Variants in CCDC60 observed in about 807,000 individuals in gnomAD.
The protein encoded by CCDC60 is coiled-coil domain containing 60.
Under a neutral mutation model 63.5 loss-of-function variants are expected in CCDC60, and 54 were observed. The ratio of observed to expected loss-of-function variants is 0.85; its 90% CI spans 0.68 to 1.07. The LOEUF (loss-of-function observed/expected upper bound fraction) is 1.07. Among genes scored for constraint, CCDC60 ranks in the 50% least tolerant of loss-of-function variants. The pLI, the probability that CCDC60 is intolerant of heterozygous loss-of-function variation, is 0.00. For missense variants in CCDC60, 651 were observed against 684.3 expected (o/e 0.95, Z 0.54); for synonymous variants, 206 against 238.8 (o/e 0.86, Z 1.27).
At chr12:119,506,956 C>T (rs1952023138) in intron 7 of CCDC60, among the ~76,000 whole-genome samples, 1 of 152,074 alleles carries the variant, frequency 6.6e-6, no homozygotes, top group African/African-American at 2.4e-5. Flanking sequence ...GGAGGAGTGG[C>T]CTACCACAAA....
chr12:119,378,999 C>T (rs1375385525), intron 1 of CCDC60, among the ~76,000 whole-genome samples: 1 of 152,212 alleles, frequency 6.6e-6, no homozygotes, highest in Non-Finnish European at 1.5e-5. Flanking sequence ...GCAAGGTCAT[C>T]AGACGACAGC....
At position 119,488,876 on chromosome 12, in the gene CCDC60, A is replaced by G; in HGVS notation, c.557+10A>G. ...CCTGCTGGAACCCAAAGTATGCCTCAGCCCTTCAACTTGTCTTAGACTAGC... is the reference window on the plus strand; with the variant it reads ...CCTGCTGGAACCCAAAGTATGCCTCGGCCCTTCAACTTGTCTTAGACTAGC... On this transcript the variant is annotated intron_variant, in intron 5 of 13. Transcript: ENST00000327554. 1 of 1,606,350 alleles carries G rather than the reference A, an allele frequency of 6.2e-7. No homozygotes were observed. The highest frequency in any genetic ancestry group is 8.5e-7 in the Non-Finnish European group (1 of 1,172,830).
chr12:119,480,975 T>C (rs61938116), intron 4 of CCDC60, among the ~76,000 whole-genome samples: 325 of 80,568 alleles, frequency 4.0e-3, no homozygotes, highest in Middle Eastern at 0.037. Context: ...TCACCATCAT[T>C]ATCACCATCA....
At position 119,351,896 on chromosome 12, in the gene CCDC60, A is replaced by G. The variant is rs150252200; in HGVS notation, c.90+16630A>G. Among the ~76,000 whole-genome samples, 15 of 152,230 alleles carry G rather than the reference A, an allele frequency of 9.9e-5. No individual in the cohort carries two copies. In the East Asian group the frequency reaches 2.5e-3, roughly 25 times the overall value. ...AAACTCTGCCTATTACCTAGTTCCA[A>G]AGTCATCTCCACATTTTCAGGTATC... On this transcript the variant is annotated intron_variant, in intron 1 of 13. Coordinates refer to ENST00000327554, the MANE Select transcript of CCDC60 (RefSeq NM_178499.5).
chr12:119,392,554 A>C (rs1956178532), intron 1 of CCDC60, among the ~76,000 whole-genome samples: 1 of 152,256 alleles, frequency 6.6e-6, no homozygotes, highest in Non-Finnish European at 1.5e-5. Context: ...TACCCAACGC[A>C]GGGTGCATAA....
At chr12:119,539,949 C>T (rs1188892835) in intron 13 of CCDC60, among the ~76,000 whole-genome samples, 3 of 152,170 alleles carry the variant, frequency 2.0e-5, no homozygotes, top group Non-Finnish European at 2.9e-5. Flanking sequence ...ATTATCTGAC[C>T]CCTTGTGCTT....
At chr12:119,376,823 C>T (rs1161944057) in intron 1 of CCDC60, among the ~76,000 whole-genome samples, 1 of 151,952 alleles carries the variant, frequency 6.6e-6, no homozygotes. Context: ...GGGCTGGGGT[C>T]ATTTACCCAT....
intron 2 of CCDC60, among the ~76,000 whole-genome samples, chr12:119,466,625 C>T (rs1332977771): frequency 3.3e-5 from 5 of 152,184 alleles, no homozygotes; most frequent in Non-Finnish European, 7.3e-5. Flanking sequence ...TCCTTTGATG[C>T]TGGTGGGAAG....
At chr12:119,423,065 G>A (rs1205544750) in intron 1 of CCDC60, among the ~76,000 whole-genome samples, 2 of 152,188 alleles carry the variant, frequency 1.3e-5, no homozygotes, top group African/African-American at 4.8e-5. Context: ...AGACCTAACA[G>A]TATGGGAAGT....
intron 1 of CCDC60, among the ~76,000 whole-genome samples, chr12:119,381,899 A>G (rs1956011156): frequency 6.6e-6 from 1 of 152,246 alleles, no homozygotes; most frequent in Non-Finnish European, 1.5e-5. Flanking sequence ...CTACAACCAG[A>G]GACCCTTTAA....
intron 10 of CCDC60, 75 bp from the exon 11 acceptor site, chr12:119,523,618 G>T (rs1952592498): frequency 1.7e-5 from 27 of 1,592,462 alleles, no homozygotes; most frequent in Middle Eastern, 2.2e-4. Flanking sequence ...GCTAAGGGGG[G>T]CCAGAGTGGG....
intron 1 of CCDC60, among the ~76,000 whole-genome samples, chr12:119,390,276 C>A (rs1202771226): frequency 6.6e-6 from 1 of 152,174 alleles, no homozygotes; most frequent in Non-Finnish European, 1.5e-5. Flanking sequence ...CCCAAAGACA[C>A]CTTCCCTAAT....
intron 1 of CCDC60, among the ~76,000 whole-genome samples, chr12:119,423,453 A>G (rs1956848782): frequency 6.6e-6 from 1 of 152,142 alleles, no homozygotes; most frequent in African/African-American, 2.4e-5. Flanking sequence ...TACATTTCCC[A>G]GGGGCCCTTG....
intron 2 of CCDC60, among the ~76,000 whole-genome samples, chr12:119,467,699 C>T (rs708874): frequency 0.89 from 135,584 of 152,302 alleles, 60,759 homozygotes; most frequent in East Asian, 1. Context: ...ACAGAGTCCA[C>T]CCCATCTCTG....
At chr12:119,340,039 A>C (rs2136141374) in intron 1 of CCDC60, among the ~76,000 whole-genome samples, 1 of 152,332 alleles carries the variant, frequency 6.6e-6, no homozygotes, top group Non-Finnish European at 1.5e-5. Context: ...AAGCGTTATC[A>C]CGTTTTATCT....
chr12:119,527,691 T>A (rs1280436917), intron 11 of CCDC60, among the ~76,000 whole-genome samples: 26 of 137,322 alleles, frequency 1.9e-4, no homozygotes, highest in African/African-American at 4.3e-4. Flanking sequence ...TTTTTTTTTT[T>A]ATTGAGATGG....
chr12:119,505,829 T>G (rs779678344), intron 7 of CCDC60, among the ~76,000 whole-genome samples: 6 of 152,212 alleles, frequency 3.9e-5, no homozygotes, highest in African/African-American at 1.4e-4. Flanking sequence ...CACTCCAGCC[T>G]GGGCCACAGA....
At chr12:119,433,373 C>T (rs775400042) in intron 2 of CCDC60, 17 of 701,426 alleles carry the variant, frequency 2.4e-5, no homozygotes, top group African/African-American at 5.2e-5. Flanking sequence ...ACGTTCTGCT[C>T]GGACACCCTT....
chr12:119,428,553 T>C (rs1464499375), intron 1 of CCDC60, 130 bp from the exon 2 acceptor site: 1 of 616,892 alleles, frequency 1.6e-6, no homozygotes, highest in Non-Finnish European at 2.9e-6. Flanking sequence ...CAAGGTAGAC[T>C]CTGTGCTGCC....
Sources: gnomAD v4.1 joint callset for allele counts (sites outside exome capture counted in the v4.1 genomes callset) on GRCh38, gnomAD v4.1.1 for gene constraint, MANE v1.5 for transcripts, NCBI Gene and HGNC (gene_info 2026-07-23, HGNC 2026-07-21) for gene names.